TRHDE: variants seen among roughly 807,000 people sequenced by gnomAD.
TRHDE encodes the protein thyrotropin releasing hormone degrading enzyme.
A neutral mutation model predicts 125.7 loss-of-function variants in TRHDE; 72 were observed. The observed-to-expected ratio is 0.57, with a 90% CI of 0.47 to 0.70. The LOEUF is 0.70. Among genes scored for constraint, TRHDE ranks in the 30% least tolerant of loss-of-function variants. TRHDE has a pLI of 0.00. For missense variants in TRHDE, 1,110 were observed against 1,327.1 expected, an observed-to-expected ratio of 0.84 and a Z score of 2.54; for synonymous variants, 509 against 509.1, an observed-to-expected ratio of 1.00 and a Z score of 0.00.
intron 2 of TRHDE, among the ~76,000 whole-genome samples, chr12:72,154,909 T>C (rs543661969): frequency 6.6e-6 from 1 of 152,290 alleles, no homozygotes; most frequent in Non-Finnish European, 1.5e-5. Context: ...TTTGTGGCAT[T>C]CTCTGTACTT....
intron 2 of TRHDE, among the ~76,000 whole-genome samples, chr12:72,376,330 C>A (rs532904444): frequency 4.6e-5 from 7 of 152,190 alleles, no homozygotes; most frequent in Non-Finnish European, 1.0e-4. Context: ...CTTGTACATT[C>A]ATCCTTTTTT....
intron 18 of TRHDE, among the ~76,000 whole-genome samples, chr12:72,660,777 C>T (rs1305827553): frequency 6.6e-6 from 1 of 152,122 alleles, no homozygotes; most frequent in Non-Finnish European, 1.5e-5. Flanking sequence ...CAGTCTCTTG[C>T]CTCGGCACCC....
At chr12:72,616,985 G>T (rs767886892) in intron 12 of TRHDE, among the ~76,000 whole-genome samples, 4 of 151,948 alleles carry the variant, frequency 2.6e-5, no homozygotes, top group African/African-American at 9.7e-5. Flanking sequence ...ATAAAAAATT[G>T]TATTACTTTT....
chr12:72,630,057 G>A (rs1873430377), intron 15 of TRHDE, among the ~76,000 whole-genome samples: 1 of 149,984 alleles, frequency 6.7e-6, no homozygotes, highest in Non-Finnish European at 1.5e-5. Flanking sequence ...TATATATAAA[G>A]TATTTGAAAA....
chr12:72,237,730 C>A (rs534403328), intron 2 of TRHDE, among the ~76,000 whole-genome samples: 1 of 152,114 alleles, frequency 6.6e-6, no homozygotes, highest in Non-Finnish European at 1.5e-5. Context: ...CCTAGCCATG[C>A]GGAACTGTGG....
chr12:72,226,357 T>C (rs574681864), intron 2 of TRHDE, among the ~76,000 whole-genome samples: 1 of 152,310 alleles, frequency 6.6e-6, no homozygotes, highest in South Asian at 2.1e-4. Flanking sequence ...CTCCTGAGAA[T>C]TTCTAAAGGG....
chr12:72,236,765 A>G (rs1368878811), intron 2 of TRHDE, among the ~76,000 whole-genome samples: 1 of 152,230 alleles, frequency 6.6e-6, no homozygotes, highest in Non-Finnish European at 1.5e-5. Flanking sequence ...TTGCACAAGT[A>G]TGCAGCACAT....
At chr12:72,444,270 ATCTTG>A (rs1875166646) in intron 3 of TRHDE, among the ~76,000 whole-genome samples, 1 of 151,822 alleles carries the variant, frequency 6.6e-6, no homozygotes. Flanking sequence ...GTAACCCCCA[ATCTTG>A]GCAGCTTCTA....
chr12:72,577,285 A>G (rs772797007), intron 12 of TRHDE, among the ~76,000 whole-genome samples: 1 of 152,136 alleles, frequency 6.6e-6, no homozygotes, highest in African/African-American at 2.4e-5. Context: ...ATGCTTTTCT[A>G]TTTTATATAT....
At chr12:72,275,479 A>T (rs1879452626) in intron 1 of TRHDE, among the ~76,000 whole-genome samples, 1 of 152,204 alleles carries the variant, frequency 6.6e-6, no homozygotes, top group Admixed American at 6.5e-5. Flanking sequence ...ATACAGATTA[A>T]AAATATTTTT....
At chr12:72,278,770 C>T (rs146200027) in intron 1 of TRHDE, among the ~76,000 whole-genome samples, 303 of 152,170 alleles carry the variant, frequency 2.0e-3, no homozygotes, top group African/African-American at 6.9e-3. Context: ...GGTCTTTTGC[C>T]CACTTTAAAA....
At chr12:72,536,331 A>T (rs1374473315) in intron 6 of TRHDE, among the ~76,000 whole-genome samples, 1 of 152,112 alleles carries the variant, frequency 6.6e-6, no homozygotes, top group Non-Finnish European at 1.5e-5. Context: ...TATGCAAAAG[A>T]TTTATTTGTT....
chr12:72,592,994 TGAG>T (rs1871759024), intron 12 of TRHDE, among the ~76,000 whole-genome samples: 2 of 152,206 alleles, frequency 1.3e-5, no homozygotes, highest in African/African-American at 4.8e-5. Context: ...ATTACAGGCG[TGAG>T]CCACCGCGCC....
chr12:72,298,624 T>C (rs952596525), intron 2 of TRHDE, among the ~76,000 whole-genome samples: 1 of 152,150 alleles, frequency 6.6e-6, no homozygotes, highest in African/African-American at 2.4e-5. Context: ...TGGAGGTTTA[T>C]GTAGCAGCCA....
chr12:72,499,039 A>G (rs946387662), intron 5 of TRHDE, among the ~76,000 whole-genome samples: 2 of 151,836 alleles, frequency 1.3e-5, no homozygotes, highest in African/African-American at 4.8e-5. Context: ...AAGGACAGGG[A>G]AAAAAAGAGC....
intron 2 of TRHDE, among the ~76,000 whole-genome samples, chr12:72,235,195 T>C (rs1878317181): frequency 6.6e-6 from 1 of 152,152 alleles, no homozygotes; most frequent in Non-Finnish European, 1.5e-5. Context: ...ATAGAAACCA[T>C]CATGTTCTTG....
intron 6 of TRHDE, among the ~76,000 whole-genome samples, chr12:72,520,242 C>G (rs542470359): frequency 2.0e-5 from 3 of 152,320 alleles, no homozygotes; most frequent in East Asian, 1.9e-4. Flanking sequence ...CCCCCAGTCT[C>G]GCTGCTGCCT....
At chr12:72,516,567 A>G (rs985111857) in intron 6 of TRHDE, among the ~76,000 whole-genome samples, 1 of 152,166 alleles carries the variant, frequency 6.6e-6, no homozygotes, top group South Asian at 2.1e-4. Flanking sequence ...GGTTTTCTAG[A>G]TATACAATCA....
chr12:72,438,237 A>G (rs1874834854), intron 3 of TRHDE, among the ~76,000 whole-genome samples: 2 of 151,816 alleles, frequency 1.3e-5, no homozygotes, highest in African/African-American at 4.8e-5. Flanking sequence ...TGCAGTGAAC[A>G]TGGAAGAGTG....
Sources: allele counts gnomAD v4.1 joint callset (sites outside exome capture counted in the v4.1 genomes callset), GRCh38; gene constraint gnomAD v4.1.1; transcripts MANE v1.5; gene names NCBI Gene and HGNC (gene_info 2026-07-23, HGNC 2026-07-21).